Variants in ANXA10 observed in about 807,000 individuals in gnomAD.
ANXA10 encodes annexin 14.
In ANXA10, 49 loss-of-function variants were observed where a neutral mutation model predicts 53.5. The ratio of observed to expected loss-of-function variants is 0.92; its 90% CI spans 0.73 to 1.16. The LOEUF is 1.16. ANXA10 is among the 50% of genes most tolerant of loss of function. The pLI is 0.00. For missense variants in ANXA10, 393 were observed against 394.4 expected (o/e 1.00, Z 0.03); for synonymous variants, 131 against 128.9 (o/e 1.02, Z -0.11).
At chr4:168,162,137 A>T (rs1314448987) in intron 3 of ANXA10, among the ~76,000 whole-genome samples, 1 of 152,212 alleles carries the variant, frequency 6.6e-6, no homozygotes, top group Non-Finnish European at 1.5e-5. Context: ...ATAAAATAAA[A>T]TAAAGTGCAT....
intron 6 of ANXA10, among the ~76,000 whole-genome samples, chr4:168,176,251 A>G (rs571806189): frequency 9.8e-5 from 15 of 152,294 alleles, no homozygotes; most frequent in African/African-American, 3.4e-4. Context: ...AATGACCAGC[A>G]TATGGGCATT....
intron 6 of ANXA10, among the ~76,000 whole-genome samples, chr4:168,171,761 T>C (rs751981694): frequency 8.5e-5 from 13 of 152,228 alleles, no homozygotes; most frequent in Non-Finnish European, 1.6e-4. Flanking sequence ...ATGCTTTTAT[T>C]ACACAGATTT....
At chr4:168,154,782 G>C (rs1384089836) in intron 3 of ANXA10, among the ~76,000 whole-genome samples, 2 of 152,102 alleles carry the variant, frequency 1.3e-5, no homozygotes, top group African/African-American at 2.4e-5. Flanking sequence ...TTGTGTGCCT[G>C]ATTTTCTTAT....
chr4:168,100,587 C>T (rs1165725549), intron 1 of ANXA10, among the ~76,000 whole-genome samples: 1 of 152,046 alleles, frequency 6.6e-6, no homozygotes, highest in East Asian at 1.9e-4. Flanking sequence ...CCTGCTACAA[C>T]TCATTATTAT....
chr4:168,156,128 A>T (rs1272013914), intron 3 of ANXA10, among the ~76,000 whole-genome samples: 13 of 33,570 alleles, frequency 3.9e-4, no homozygotes, highest in South Asian at 2.4e-3. Context: ...TTATATTTAT[A>T]TATATTATAT....
chr4:168,128,689 C>G (rs973225995), intron 2 of ANXA10, among the ~76,000 whole-genome samples: 24 of 152,004 alleles, frequency 1.6e-4, no homozygotes, highest in Admixed American at 6.6e-5. Flanking sequence ...TTCAGATGAG[C>G]CTTCCTCTCT....
intron 6 of ANXA10, among the ~76,000 whole-genome samples, chr4:168,172,205 A>G (rs1732004605): frequency 6.6e-6 from 1 of 152,244 alleles, no homozygotes; most frequent in African/African-American, 2.4e-5. Flanking sequence ...TGCCTTTGTC[A>G]AAGCCAAATC....
At chr4:168,143,971 A>C (rs544992798) in intron 3 of ANXA10, among the ~76,000 whole-genome samples, 2 of 152,240 alleles carry the variant, frequency 1.3e-5, no homozygotes, top group South Asian at 4.2e-4. Context: ...TTAAGTGTCA[A>C]ATACTCAAGA....
chr4:168,105,233 CCT>C (rs1302822444), intron 1 of ANXA10, among the ~76,000 whole-genome samples: 1 of 151,746 alleles, frequency 6.6e-6, no homozygotes, highest in Non-Finnish European at 1.5e-5. Flanking sequence ...GCCTATTACC[CCT>C]GAGTTATTTT....
chr4:168,104,919 T>A (rs1298251112), intron 1 of ANXA10, among the ~76,000 whole-genome samples: 1 of 151,874 alleles, frequency 6.6e-6, no homozygotes, highest in Non-Finnish European at 1.5e-5. Context: ...GGTGAAAACT[T>A]AAATTTTATT....
chr4:168,100,565 T>G (rs1730623413), intron 1 of ANXA10, among the ~76,000 whole-genome samples: 1 of 152,064 alleles, frequency 6.6e-6, no homozygotes, highest in Admixed American at 6.6e-5. Flanking sequence ...CAAAAACAAC[T>G]GGGATCTGTT....
chr4:168,180,105 T>C (rs892583745), intron 9 of ANXA10, among the ~76,000 whole-genome samples: 4 of 152,140 alleles, frequency 2.6e-5, no homozygotes, highest in Non-Finnish European at 1.5e-5. Flanking sequence ...AGCTGACAGA[T>C]AAAGGAATTT....
Position 168,148,192 on chromosome 4 carries a change from A to G in ANXA10, c.195+8612A>G, listed in dbSNP as rs1197217133. ...TGTGACAATTTTTTTTTTTTTTTTGAGACGGAATCTTGCTGTGTTGCCTGG... is the reference window on the plus strand; with the variant it reads ...TGTGACAATTTTTTTTTTTTTTTTGGGACGGAATCTTGCTGTGTTGCCTGG... On this transcript the variant is annotated intron_variant, in intron 3 of 11. Transcript: ENST00000359299. Among the ~76,000 whole-genome samples, 3 of 135,798 alleles carry G rather than the reference A, an allele frequency of 2.2e-5. No individual in the cohort carries two copies. In the East Asian group the frequency reaches 6.2e-4, roughly 28 times the overall value. 89.1% of individuals were successfully genotyped at this position (135,798 alleles called of 152,430 possible).
At chr4:168,098,168 T>A (rs1009774085) in intron 1 of ANXA10, among the ~76,000 whole-genome samples, 5 of 152,200 alleles carry the variant, frequency 3.3e-5, no homozygotes, top group Admixed American at 2.6e-4. Flanking sequence ...TTATTTTTCC[T>A]AATTAATCAA....
At chr4:168,115,554 T>G (rs1730880595) in intron 1 of ANXA10, among the ~76,000 whole-genome samples, 1 of 151,372 alleles carries the variant, frequency 6.6e-6, no homozygotes, top group Non-Finnish European at 1.5e-5. Flanking sequence ...TCTTTCTTTT[T>G]GAACTGACGT....
At chr4:168,093,021 A>C (rs1730484503) in intron 1 of ANXA10, among the ~76,000 whole-genome samples, 1 of 152,124 alleles carries the variant, frequency 6.6e-6, no homozygotes, top group Admixed American at 6.5e-5. Flanking sequence ...AGCATACCTA[A>C]GAATCCATTT....
chr4:168,150,280 A>C (rs1243120704), intron 3 of ANXA10, among the ~76,000 whole-genome samples: 1 of 152,150 alleles, frequency 6.6e-6, no homozygotes, highest in Non-Finnish European at 1.5e-5. Context: ...CAAACAAAAA[A>C]CCCCAAATTT....
intron 2 of ANXA10, among the ~76,000 whole-genome samples, chr4:168,131,718 A>G (rs1264798609): frequency 6.6e-6 from 1 of 152,006 alleles, no homozygotes; most frequent in Non-Finnish European, 1.5e-5. Context: ...TTCTTGGAGA[A>G]CTGACCCCTT....
intron 6 of ANXA10, among the ~76,000 whole-genome samples, chr4:168,176,991 C>A (rs1220252916): frequency 6.6e-6 from 1 of 152,004 alleles, no homozygotes; most frequent in Non-Finnish European, 1.5e-5. Flanking sequence ...TGGAGCAAGG[C>A]CCTGTCTCAA....
Sources: gnomAD v4.1 joint callset for allele counts (sites outside exome capture counted in the v4.1 genomes callset) on GRCh38, gnomAD v4.1.1 for gene constraint, MANE v1.5 for transcripts, NCBI Gene and HGNC (gene_info 2026-07-23, HGNC 2026-07-21) for gene names.